The following MAST3 variants were observed in gnomAD, a reference collection of about 807,000 sequenced individuals.
MAST3 encodes microtubule-associated serine/threonine-protein kinase 3.
In MAST3, 43 loss-of-function variants were observed where a neutral mutation model predicts 127.0. That is an observed-to-expected ratio of 0.34 (90% confidence interval 0.27 to 0.44). The LOEUF is 0.44. MAST3 is among the 20% of genes least tolerant of loss of function. The probability of loss-of-function intolerance (pLI) is 1.00; values close to 1 mark genes in which losing one functional copy is unlikely to be tolerated. For synonymous variants in MAST3, 785 were observed against 809.2 expected (o/e 0.97, Z 0.51); for missense variants, 1,390 against 1,919.1 (o/e 0.72, Z 5.15).
At chr19:18,148,472 AG>A (rs936474727) in intron 27 of MAST3, among the ~76,000 whole-genome samples, 12 of 152,062 alleles carry the variant, frequency 7.9e-5, no homozygotes, top group African/African-American at 2.9e-4. Flanking sequence ...AAAAAACAAA[AG>A]GGAAAAAAAA....
At chr19:18,131,875 C>A in intron 14 of MAST3, 34 bp from the exon 15 acceptor site, 4 of 1,543,472 alleles carry the variant, frequency 2.6e-6, no homozygotes, top group Admixed American at 2.0e-5. Context: ...CGGGGGTGCC[C>A]CGGGCCTCAT....
chr19:18,139,165 T>C, intron 20 of MAST3, 41 bp downstream of exon 20: 1 of 1,363,812 alleles, frequency 7.3e-7, no homozygotes, highest in East Asian at 2.5e-5. Flanking sequence ...TCAGAAAACA[T>C]TGCATGATGT....
At chr19:18,118,629 C>G (rs1568560891) in intron 3 of MAST3, among the ~76,000 whole-genome samples, 2 of 152,150 alleles carry the variant, frequency 1.3e-5, no homozygotes, top group African/African-American at 4.8e-5. Flanking sequence ...GGCTCAGAAG[C>G]AAATATTTAC....
chr19:18,122,872 T>A, intron 6 of MAST3, 121 bp downstream of exon 6: 1 of 1,075,078 alleles, frequency 9.3e-7, no homozygotes, highest in Non-Finnish European at 1.4e-6. Flanking sequence ...ACTAGTTACT[T>A]CCTCCATGCA....
In MAST3 at chr19:18,126,715, G is replaced by T. The variant is rs141707324; in HGVS notation, c.1079-1685G>T. Among the ~76,000 whole-genome samples, 248 of 152,270 alleles carry T rather than the reference G, an allele frequency of 1.6e-3. 1 individual carries two copies. Among genetic ancestry groups the T allele is most frequent in the African/African-American group, 5.7e-3 (235 of 41,572 alleles). ...GCCCAGGGGTTTGAGGCTGCAGTGA[G>T]CTATGGTCGCACAACTGCACTCCAG... On this transcript the variant is annotated intron_variant, in intron 11 of 27. Coordinates refer to ENST00000687212, the MANE Select transcript of MAST3 (RefSeq NM_001393504.1).
intron 26 of MAST3, 53 bp downstream of exon 26, chr19:18,147,097 T>A (rs2043101418): frequency 2.4e-6 from 3 of 1,246,178 alleles, no homozygotes; most frequent in Non-Finnish European, 3.1e-6. Context: ...CTTTTCTTTT[T>A]CCTTTTTTTT....
At chr19:18,134,521 A>C (rs1279740408) in intron 15 of MAST3, 58 bp from the exon 16 acceptor site, 1 of 1,551,184 alleles carries the variant, frequency 6.4e-7, no homozygotes, top group Non-Finnish European at 8.7e-7. Context: ...CTAGGGCAGA[A>C]GGGGAGGCCA....
rs2042866896 is a variant in MAST3 at position 18,144,822 on chromosome 19, A to G, written c.2812+129A>G. The G allele has an allele frequency of 9.5e-7, 1 of 1,055,130 alleles. No individual in the cohort carries two copies. 65.4% of individuals were successfully genotyped at this position (1,055,130 alleles called of 1,614,324 possible). On this transcript the variant is annotated intron_variant, in intron 23 of 27. Transcript: ENST00000687212. This position sits in a 1 kb window ranked among gnomAD's most constrained non-coding sequence, Gnocchi z 4.0. ...AGGGGAGGAGGAGTAGGACACATGG[A>G]GAGCTGGGGAGATGGTGTTCCCAGT...
chr19:18,150,344 C>T lies in MAST3; in HGVS notation c.*618C>T, dbSNP rs2043451537. On this transcript the variant is annotated 3_prime_UTR_variant, in exon 28 of 28. Coordinates refer to ENST00000687212, the MANE Select transcript of MAST3 (RefSeq NM_001393504.1). ...TGAGCCGCCCCCTGAAGGCGGCTGC[C>T]AGGTCTTGCCCCAGGCACCTGGGAC... 6.6e-6 allele frequency: 1 copy of T among 152,388 alleles called. No homozygotes were observed. The highest frequency in any genetic ancestry group is 6.5e-5 in the Admixed American group (1 of 15,284). 9.4% of individuals were successfully genotyped at this position (152,388 alleles called of 1,614,324 possible).
Position 18,145,683 on chromosome 19 carries a change from G to A in MAST3, c.3040-60G>A. On this transcript the variant is annotated intron_variant, in intron 24 of 27. Transcript: ENST00000687212. The surrounding 1 kb of genome is among the most constrained non-coding windows in gnomAD (Gnocchi z 5.9). ...GGGTCCCACAGCAGACCCAGCCTGGGCTGGGGTCCCCAGATGTGGGGCCCA... is the reference window on the plus strand; with the variant it reads ...GGGTCCCACAGCAGACCCAGCCTGGACTGGGGTCCCCAGATGTGGGGCCCA... The A allele has an allele frequency of 1.3e-6, 2 of 1,496,800 alleles. No homozygotes were observed. Among genetic ancestry groups the A allele is most frequent in the South Asian group, 1.4e-5 (1 of 73,422 alleles). 92.7% of individuals were successfully genotyped at this position (1,496,800 alleles called of 1,614,324 possible).
Position 18,145,803 on chromosome 19 carries a change from C to G in MAST3, c.3100C>G (p.His1034Asp). 1 of 1,592,038 alleles carries G rather than the reference C, an allele frequency of 6.3e-7. No homozygotes were observed. Among genetic ancestry groups the G allele is most frequent in the Non-Finnish European group, 8.5e-7 (1 of 1,172,594 alleles). ...AGLRAGDLIT[H>D]INGESVLGLV... ...CCTGCGGGCTGGGGACCTCATCACC[C>G]ACATCAACGGGGAGTCAGTGCTGGG... The change falls in exon 25 of 28, where the codon CAC (histidine) becomes GAC (aspartate). Residue 1034 changes from histidine to aspartate, a missense_variant. Around this residue, in one of 5 missense-constraint regions of MAST3, gnomAD observed 816 missense variants for 934.1 expected, o/e 0.87. Coordinates refer to ENST00000687212, the MANE Select transcript of MAST3 (RefSeq NM_001393504.1). This position sits in a 1 kb window ranked among gnomAD's most constrained non-coding sequence, Gnocchi z 5.9.
rs558171632 is a variant in MAST3, at chr19:18,146,178, C to T, written c.3162+313C>T. Among the ~76,000 whole-genome samples, 28 of 152,322 alleles carry T rather than the reference C, an allele frequency of 1.8e-4. No individual in the cohort carries two copies. The East Asian group carries it at 5.2e-3, about 28-fold the overall frequency. ...GAAGGGCCGGGCGCGGTGGCACACG[C>T]CTGTAATCCCAGCACTTTGGGAGGC... On this transcript the variant is annotated intron_variant, in intron 25 of 27. Coordinates refer to ENST00000687212, the MANE Select transcript of MAST3 (RefSeq NM_001393504.1).
intron 15 of MAST3, among the ~76,000 whole-genome samples, chr19:18,133,593 C>T (rs926448800): frequency 8.4e-6 from 1 of 118,508 alleles, no homozygotes; most frequent in African/African-American, 3.4e-5. Context: ...CTCACTCTGT[C>T]GCCAGGCTGG....
rs926649101 is a variant in MAST3 at position 18,110,631 on chromosome 19, C to A, written c.72-21C>A. On this transcript the variant is annotated intron_variant, in intron 2 of 27. Coordinates refer to ENST00000687212, the MANE Select transcript of MAST3 (RefSeq NM_001393504.1). The surrounding 1 kb of genome is among the most constrained non-coding windows in gnomAD (Gnocchi z 4.3). ...AAGGGGCGGCCGCCAGGTTCACCGT[C>A]CCCGGCCTCTTTCTTTGCAGTCTGT... is the stretch of plus-strand genomic sequence containing the variant. 25 of 979,210 alleles carry A rather than the reference C, an allele frequency of 2.6e-5. No homozygotes were observed. Among genetic ancestry groups the A allele is most frequent in the Admixed American group, 2.5e-4 (4 of 16,270 alleles). 60.7% of individuals were successfully genotyped at this position (979,210 alleles called of 1,614,324 possible).
chr19:18,109,467 G>A (rs958341100), intron 2 of MAST3, among the ~76,000 whole-genome samples: 1 of 152,222 alleles, frequency 6.6e-6, no homozygotes, highest in Non-Finnish European at 1.5e-5. Flanking sequence ...CCTGGACCTT[G>A]GGGCAGGACA....
intron 3 of MAST3, among the ~76,000 whole-genome samples, chr19:18,118,624 A>G (rs2147108994): frequency 6.6e-6 from 1 of 152,338 alleles, no homozygotes; most frequent in Admixed American, 6.5e-5. Context: ...ATGTTGGCTC[A>G]GAAGCAAATA....
At chr19:18,120,727 G>C (rs796838332) in intron 3 of MAST3, among the ~76,000 whole-genome samples, 1 of 151,684 alleles carries the variant, frequency 6.6e-6, no homozygotes, top group South Asian at 2.1e-4. Context: ...GTTTTGTTTT[G>C]TTTTGTTTTG....
intron 1 of MAST3, 131 bp from the exon 2 acceptor site, chr19:18,107,456 C>T (rs2038164221): frequency 1.1e-6 from 1 of 929,038 alleles, no homozygotes; most frequent in Admixed American, 1.8e-5. Context: ...AGGGCTGAGC[C>T]AGTGTGTAGA....
At chr19:18,133,734 A>G (rs1166574515) in intron 15 of MAST3, among the ~76,000 whole-genome samples, 1 of 151,890 alleles carries the variant, frequency 6.6e-6, no homozygotes, top group Non-Finnish European at 1.5e-5. Context: ...TTGTATTTTT[A>G]GTAGAGACGG....
Sources: allele counts gnomAD v4.1 joint callset (sites outside exome capture counted in the v4.1 genomes callset), GRCh38; gene constraint gnomAD v4.1.1; regional missense constraint gnomAD v4.1.1; non-coding constraint Gnocchi (gnomAD v3.1); transcripts MANE v1.5; gene names NCBI Gene and HGNC (gene_info 2026-07-23, HGNC 2026-07-21).